LIMCH1: variants seen among roughly 807,000 people sequenced by gnomAD.
LIMCH1 encodes the protein LIM and calponin homology domains 1, also known as LIM and calponin homology domains-containing protein 1.
Under a neutral mutation model 176.5 loss-of-function variants are expected in LIMCH1, and 113 were observed. The ratio of observed to expected loss-of-function variants is 0.64; its 90% CI spans 0.55 to 0.75. The LOEUF (loss-of-function observed/expected upper bound fraction) is 0.75, where lower values mean the gene tolerates loss of function less well. Ranked by LOEUF, LIMCH1 falls within the 30% of genes least tolerant of loss-of-function variation. LIMCH1 has a pLI of 0.00. For synonymous variants in LIMCH1, 619 were observed against 645.9 expected (o/e 0.96, Z 0.63); for missense variants, 1,674 against 1,814.9 (o/e 0.92, Z 1.41).
At chr4:41,394,835 G>A (rs930746750) in intron 1 of LIMCH1, among the ~76,000 whole-genome samples, 1 of 152,176 alleles carries the variant, frequency 6.6e-6, no homozygotes, top group African/African-American at 2.4e-5. Flanking sequence ...TACAAATGGT[G>A]CTCAGAACAA....
chr4:41,637,813 G>C (rs927494339), intron 13 of LIMCH1, among the ~76,000 whole-genome samples: 1 of 152,064 alleles, frequency 6.6e-6, no homozygotes. Flanking sequence ...TGCATTCTGG[G>C]GTGTTTTCTC....
intron 1 of LIMCH1, among the ~76,000 whole-genome samples, chr4:41,594,074 C>T (rs2088211020): frequency 6.6e-6 from 1 of 152,186 alleles, no homozygotes; most frequent in South Asian, 2.1e-4. Context: ...AAGGCAGTCT[C>T]TCATATAAAT....
At chr4:41,605,007 T>C (rs1484544631) in intron 3 of LIMCH1, among the ~76,000 whole-genome samples, 1 of 152,078 alleles carries the variant, frequency 6.6e-6, no homozygotes, top group African/African-American at 2.4e-5. Flanking sequence ...AGACAGAGTG[T>C]GAAAAGAAAA....
intron 1 of LIMCH1, among the ~76,000 whole-genome samples, chr4:41,547,830 TATA>T (rs1478024470): frequency 2.9e-5 from 4 of 139,254 alleles, no homozygotes; most frequent in Non-Finnish European, 4.6e-5. Flanking sequence ...TATAAATACA[TATA>T]ATGTTTTATG....
intron 1 of LIMCH1, among the ~76,000 whole-genome samples, chr4:41,542,336 A>G (rs2078773213): frequency 6.7e-6 from 1 of 149,836 alleles, no homozygotes; most frequent in Non-Finnish European, 1.5e-5. Context: ...GAATTTTTGG[A>G]CATGTGTTTT....
chr4:41,360,774 G>C, upstream of LIMCH1: 1 of 1,242,720 alleles, frequency 8.0e-7, no homozygotes, highest in Admixed American at 2.6e-5. This position sits in a 1 kb window ranked among gnomAD's most constrained non-coding sequence, Gnocchi z 4.5. Context: ...CGGGGAGCGC[G>C]CTCCTGCGGC....
chr4:41,584,561 A>C (rs1478046306), intron 1 of LIMCH1, among the ~76,000 whole-genome samples: 1 of 152,184 alleles, frequency 6.6e-6, no homozygotes, highest in African/African-American at 2.4e-5. Context: ...TGTTAGTCTA[A>C]ACATTATGAA....
rs114676658 is a variant in LIMCH1 at position 41,590,714 on chromosome 4, C to T, written c.-240-8206C>T. Among the ~76,000 whole-genome samples the T allele has an allele frequency of 7.4e-3, 1,128 of 152,290 alleles. 9 individuals carry two copies. Among genetic ancestry groups the T allele is most frequent in the African/African-American group, 0.026 (1,084 of 41,562 alleles). ...AGCTGCCACCTTCTGGGTCAAACGTCCCCAGAATTCCCCCAGGCAGAATGA... is the reference window on the plus strand; with the variant it reads ...AGCTGCCACCTTCTGGGTCAAACGTTCCCAGAATTCCCCCAGGCAGAATGA... On this transcript the variant is annotated intron_variant, in intron 1 of 31. Transcript: ENST00000503057.
rs925046331 is a variant in LIMCH1 at position 41,626,959 on chromosome 4, G to A, written c.977G>A (p.Ser326Asn). ...AAAGGGGCAGAGAAATCAGATGGCAGCAAACAGCTCTCAAAGGGAATCTCA... is the reference window on the plus strand; with the variant it reads ...AAAGGGGCAGAGAAATCAGATGGCAACAAACAGCTCTCAAAGGGAATCTCA... ...PKKGAEKSDG[S>N]KQLSKGISKK... The change falls in exon 8 of 32, where the codon AGC (serine) becomes AAC (asparagine). Residue 326 changes from serine (S) to asparagine (N), a missense_variant. By Grantham distance (46) the Ser-to-Asn change is conservative. This residue lies in a region of LIMCH1 where 655 missense variants were observed against 692.2 expected (regional missense o/e 0.95). Coordinates refer to ENST00000503057, the MANE Select transcript of LIMCH1 (RefSeq NM_001330672.2). The A allele has an allele frequency of 4.6e-6, 7 of 1,535,694 alleles. No individual in the cohort carries two copies. Among genetic ancestry groups the A allele is most frequent in the East Asian group, 2.4e-5 (1 of 40,864 alleles).
At chr4:41,389,737 G>A (rs1169480037) in intron 1 of LIMCH1, 3 of 152,208 alleles carry the variant, frequency 2.0e-5, no homozygotes. Flanking sequence ...AGAGTCCTGG[G>A]CCTGACCTCA....
At chr4:41,361,776 A>G (rs1251038551) in intron 1 of LIMCH1, among the ~76,000 whole-genome samples, 1 of 152,174 alleles carries the variant, frequency 6.6e-6, no homozygotes, top group Non-Finnish European at 1.5e-5. Flanking sequence ...AGCTCCCGAA[A>G]TGAACTGTCT....
At chr4:41,659,800 A>G (rs1425528554) in intron 18 of LIMCH1, among the ~76,000 whole-genome samples, 9 of 152,152 alleles carry the variant, frequency 5.9e-5, no homozygotes. Context: ...TCAAAATATA[A>G]TCTAGCTAGT....
chr4:41,384,455 G>A (rs943074429), intron 1 of LIMCH1, among the ~76,000 whole-genome samples: 7 of 151,904 alleles, frequency 4.6e-5, no homozygotes, highest in Non-Finnish European at 7.4e-5. Context: ...TGATCCACCC[G>A]CCTCGGCCTC....
chr4:41,541,988 G>A (rs774704140), intron 1 of LIMCH1, among the ~76,000 whole-genome samples: 4 of 152,132 alleles, frequency 2.6e-5, no homozygotes, highest in African/African-American at 4.8e-5. Flanking sequence ...CATCTGAAAA[G>A]CCGAACTCAG....
rs2152878072 is a variant in LIMCH1, at chr4:41,633,594, A to T, written c.1876A>T (p.Lys626Ter). The change falls in exon 13 of 32, where the codon AAG (lysine) becomes TAG (stop). Residue 626 changes from lysine to a stop codon, truncating the protein, a stop_gained. Transcript: ENST00000503057. LOFTEE classifies it high-confidence loss of function. ...SECEASGTEEKLEKMTAPAWS... is the reference protein window; with the variant it reads ...SECEASGTEE ...GTGTGAGGCTTCAGGGACAGAAGAG[A>T]AGTTGGAGAAGATGACAGCTCCTGC... 2 of 1,536,060 alleles carry T rather than the reference A, an allele frequency of 1.3e-6. No homozygotes were observed. The highest frequency in any genetic ancestry group is 1.7e-6 in the Non-Finnish European group (2 of 1,146,912).
At chr4:41,494,561 A>G in exon 2 of LIMCH1, 1 of 1,613,316 alleles carries the variant, frequency 6.2e-7, no homozygotes, top group Middle Eastern at 1.6e-4. Context: ...AGTTTTGGTG[A>G]TAAAGATTTT....
chr4:41,630,086 G>GT (rs1190262510), intron 9 of LIMCH1, among the ~76,000 whole-genome samples: 1 of 152,002 alleles, frequency 6.6e-6, no homozygotes, highest in Admixed American at 6.6e-5. Context: ...GATTACAGAT[G>GT]TGAGCCACTG....
intron 1 of LIMCH1, among the ~76,000 whole-genome samples, chr4:41,457,400 AT>A (rs2064748621): frequency 6.6e-6 from 1 of 152,164 alleles, no homozygotes; most frequent in Non-Finnish European, 1.5e-5. Context: ...TGGGTCCATT[AT>A]ACCATTGGCT....
At chr4:41,420,828 A>G in intron 1 of LIMCH1, among the ~76,000 whole-genome samples, 1 of 152,252 alleles carries the variant, frequency 6.6e-6, no homozygotes, top group East Asian at 1.9e-4. Flanking sequence ...GAGCTTGATG[A>G]TAGAGATTCC....
Sources: allele counts gnomAD v4.1 joint callset (sites outside exome capture counted in the v4.1 genomes callset), GRCh38; gene constraint gnomAD v4.1.1; regional missense constraint gnomAD v4.1.1; non-coding constraint Gnocchi (gnomAD v3.1); transcripts MANE v1.5; gene names NCBI Gene and HGNC (gene_info 2026-07-23, HGNC 2026-07-21).